TNXB: variants seen among roughly 807,000 people sequenced by gnomAD.
TNXB encodes tenascin XB, also known as tenascin-X.
TNXB carries 183 observed loss-of-function variants against 340.5 expected under a neutral mutation model. That is an observed-to-expected ratio of 0.54 (90% CI 0.48 to 0.61). The LOEUF is 0.61. Among genes scored for constraint, TNXB ranks in the 20% least tolerant of loss-of-function variants. The pLI is 0.00. For missense variants in TNXB, 4,613 were observed against 5,446.4 expected (o/e 0.85, Z 4.82); for synonymous variants, 2,121 against 2,314.5 (o/e 0.92, Z 2.40).
Position 32,090,965 on chromosome 6 carries a change from C to T in TNXB, c.2359-1586G>A, listed in dbSNP as rs909759531. 2.0e-5 allele frequency among the ~76,000 whole-genome samples: 3 copies of T among 152,178 alleles called. 1 individual carries two copies. The East Asian group carries it at 5.8e-4, about 29-fold the overall frequency. Reference sequence around the variant, plus strand: ...TCTTTCAGTGAGGCAAGCCTATCCCCAGAGTTCTCCTTCTCCCTATATATA... The same window carrying T: ...TCTTTCAGTGAGGCAAGCCTATCCCTAGAGTTCTCCTTCTCCCTATATATA... On this transcript the variant is annotated intron_variant, in intron 4 of 43. Transcript: ENST00000644971. The surrounding 1 kb of genome is among the most constrained non-coding windows in gnomAD (Gnocchi z 4.3).
chr6:32,052,926 C>T lies in TNXB; in HGVS notation c.8859G>A (p.Pro2953=), dbSNP rs762756529. 28 of 1,612,578 alleles carry T rather than the reference C, an allele frequency of 1.7e-5. No homozygotes were observed. The highest frequency in any genetic ancestry group is 4.4e-5 in the South Asian group (4 of 91,076). The change falls in exon 26 of 44, where the codon CCG becomes CCA. Residue 2953 remains proline (P), a synonymous_variant. Transcript: ENST00000644971. This position sits in a 1 kb window ranked among gnomAD's most constrained non-coding sequence, Gnocchi z 4.7. ...STEAPEPPEE[P]LLGELTVTGS... The stretch of plus-strand genomic sequence containing the variant: ...CTGTCACTGTCAGCTCCCCCAGGAG[C>T]GGCTCCTCAGGGGGCTCCGGGGCCT...
At position 32,041,441 on chromosome 6, in the gene TNXB, A is replaced by C. The variant is rs1197678718; in HGVS notation, c.12643T>G (p.Trp4215Gly). 1 of 921,800 alleles carries C rather than the reference A, an allele frequency of 1.1e-6. No homozygotes were observed. Among genetic ancestry groups the C allele is most frequent in the South Asian group, 1.4e-5 (1 of 72,228 alleles). The allele number at this position is 921,800 out of a possible 1,614,324, so 57.1% of individuals were successfully genotyped here. The change falls in exon 44 of 44, where the codon TGG becomes GGG. Residue 4215 changes from tryptophan (W) to glycine (G), a missense_variant. This residue lies in a region of TNXB where 18 missense variants were observed against 60.7 expected (regional missense o/e 0.30). Coordinates refer to ENST00000644971, the MANE Select transcript of TNXB (RefSeq NM_001365276.2). ...GSTVDHQGVS[W>G]YHWKGFEFSV... is the part of the protein sequence containing the mutation. ...AACTCGAAGCCCTTCCAGTGGTACC[A>C]GCTCACTCCCTGGGAAAGGGGTTGT...
In TNXB at chr6:32,081,567, C is replaced by A; in HGVS notation, c.3843G>T (p.Trp1281Cys). ...AGTCGAAGGGGCCCTGGGCCACTGT[C>A]CATGAGAGACGCAAGGAGTCTGGGG... The part of the protein sequence containing the change: ...GVTPDSLRLS[W>C]TVAQGPFDSF... Residue 1281 changes from tryptophan (W) to cysteine (C), a missense_variant, in exon 10 of 44, where the codon TGG becomes TGT. Transcript: ENST00000644971. This position sits in a 1 kb window ranked among gnomAD's most constrained non-coding sequence, Gnocchi z 5.1. 1 of 1,603,256 alleles carries A rather than the reference C, an allele frequency of 6.2e-7. No homozygotes were observed. Among genetic ancestry groups the A allele is most frequent in the Non-Finnish European group, 8.5e-7 (1 of 1,175,236 alleles).
At position 32,052,575 on chromosome 6, in the gene TNXB, G is replaced by A. The variant is rs1777345168; in HGVS notation, c.9115+95C>T. Reference sequence around the variant, plus strand: ...CAGGCATTTGGATACACAAAGGAAGGAATACTCTTCAGAGTATGTTTTCAC... The same window carrying A: ...CAGGCATTTGGATACACAAAGGAAGAAATACTCTTCAGAGTATGTTTTCAC... On this transcript the variant is annotated intron_variant, in intron 26 of 43. Coordinates refer to ENST00000644971, the MANE Select transcript of TNXB (RefSeq NM_001365276.2). This position sits in a 1 kb window ranked among gnomAD's most constrained non-coding sequence, Gnocchi z 4.7. The A allele has an allele frequency of 6.8e-7, 1 of 1,480,260 alleles. No individual in the cohort carries two copies. Among genetic ancestry groups the A allele is most frequent in the African/African-American group, 1.4e-5 (1 of 71,848 alleles). 91.7% of individuals were successfully genotyped at this position (1,480,260 alleles called of 1,614,324 possible). A position where few individuals can be genotyped will look rare whatever the true frequency, so the allele number is the denominator to read the frequency against.
rs898073201 is a variant in TNXB at position 32,061,248 on chromosome 6, G to A, written c.7492+149C>T. On this transcript the variant is annotated intron_variant, in intron 21 of 43. Transcript: ENST00000644971. The surrounding 1 kb of genome is among the most constrained non-coding windows in gnomAD (Gnocchi z 4.4). ...CCACGCCAAAGTGAACAAGCAAACC[G>A]CTAGCATAGGCCACAGCCACAGGGC... The A allele has an allele frequency of 6.4e-6, 8 of 1,253,584 alleles. No individual in the cohort carries two copies. Among genetic ancestry groups the A allele is most frequent in the Non-Finnish European group, 8.7e-6 (8 of 918,084 alleles). 77.7% of individuals were successfully genotyped at this position (1,253,584 alleles called of 1,614,324 possible).
At position 32,081,689 on chromosome 6, in the gene TNXB, T is replaced by G; in HGVS notation, c.3737-16A>C. ...CTCTCTGGAGCTGTAAACAAGGAGA[T>G]CCAGCCAGGTGCTGAACTGGCAGCC... On this transcript the variant is annotated splice_polypyrimidine_tract_variant and intron_variant, in intron 9 of 43. Transcript: ENST00000644971. The surrounding 1 kb of genome is among the most constrained non-coding windows in gnomAD (Gnocchi z 5.1). The G allele has an allele frequency of 1.3e-6, 2 of 1,490,754 alleles. No individual in the cohort carries two copies. Among genetic ancestry groups the G allele is most frequent in the Non-Finnish European group, 1.8e-6 (2 of 1,108,208 alleles). The allele number at this position is 1,490,754 out of a possible 1,614,324, so 92.3% of individuals were successfully genotyped here.
chr6:32,095,398 AACTAAAT>A (rs1780273834), intron 3 of TNXB, among the ~76,000 whole-genome samples: 1 of 151,946 alleles, frequency 6.6e-6, no homozygotes, highest in African/African-American at 2.4e-5. Context: ...CCCTAAATGC[AACTAAAT>A]GGGCCCCAAC....
chr6:32,056,108 G>C lies in TNXB; in HGVS notation c.8210C>G (p.Pro2737Arg). 1 of 1,612,656 alleles carries C rather than the reference G, an allele frequency of 6.2e-7. No individual in the cohort carries two copies. The highest frequency in any genetic ancestry group is 8.5e-7 in the Non-Finnish European group (1 of 1,179,816). The change falls in exon 24 of 44, where the codon CCG (proline) becomes CGG (arginine). Residue 2737 changes from proline to arginine, a missense_variant. By Grantham distance (103) the Pro-to-Arg change is moderately radical. Coordinates refer to ENST00000644971, the MANE Select transcript of TNXB (RefSeq NM_001365276.2). ...STEAPEPPEE[P>R]LLGELTVTGS... Reference sequence around the variant, plus strand: ...TGTCACTGTCAGCTCCCCCAGGAGCGGCTCCTCAGGGGGCTCCGGGGCCTC... The same window carrying C: ...TGTCACTGTCAGCTCCCCCAGGAGCCGCTCCTCAGGGGGCTCCGGGGCCTC...
chr6:32,086,073 G>A lies in TNXB; in HGVS notation c.2825C>T (p.Pro942Leu). The change falls in exon 7 of 44, where the codon CCC becomes CTC. Residue 942 changes from proline to leucine, a missense_variant. Physicochemically the swap from Pro to Leu is moderately conservative, Grantham distance 98 (BLOSUM62 -3). Transcript: ENST00000644971. The part of the protein sequence containing the change: ...GLLGTTDEPP[P>L]SGPSTTQGAQ... Reference sequence around the variant, plus strand: ...CCCTTGCGTCGTCGAGGGGCCTGAGGGAGGAGGCTCATCGGTAGTCCCCAA... The same window carrying A: ...CCCTTGCGTCGTCGAGGGGCCTGAGAGAGGAGGCTCATCGGTAGTCCCCAA... 6.3e-7 allele frequency: 1 copy of A among 1,581,310 alleles called. No homozygotes were observed. The highest frequency in any genetic ancestry group is 8.6e-7 in the Non-Finnish European group (1 of 1,164,610).
chr6:32,053,684 T>A lies in TNXB; in HGVS notation c.8495A>T (p.Gln2832Leu), dbSNP rs1442863655. 2 of 1,612,770 alleles carry A rather than the reference T, an allele frequency of 1.2e-6. No homozygotes were observed. The highest frequency in any genetic ancestry group is 2.7e-5 in the African/African-American group (2 of 74,880). ...TAPEDEAETT[Q>L]AVPTTTPEPP... ...CTCAGGGGTTGTGGTGGGCACTGCTTGGGTGGTCTCTGCTTCATCCTCTGG... is the reference window on the plus strand; with the variant it reads ...CTCAGGGGTTGTGGTGGGCACTGCTAGGGTGGTCTCTGCTTCATCCTCTGG... The change falls in exon 25 of 44, where the codon CAA becomes CTA. Residue 2832 changes from glutamine to leucine, a missense_variant. Gln to Leu is a moderately radical substitution (Grantham distance 113). This residue lies in a region of TNXB where 4,327 missense variants were observed against 4,859.4 expected (regional missense o/e 0.89). Transcript: ENST00000644971.
Position 32,058,308 on chromosome 6 carries a change from C to T in TNXB, c.7575G>A (p.Leu2525=), listed in dbSNP as rs748787925. The T allele has an allele frequency of 6.2e-7, 1 of 1,611,918 alleles. No individual in the cohort carries two copies. The part of the protein sequence containing the change: ...EAPGPPEEPL[L]GELTVTGSSP... ...AGGATCCTGTCACTGTCAGCTCCCC[C>T]AGGAGAGGCTCCTCGGGGGGCCCTG... is the stretch of plus-strand genomic sequence containing the variant. The change falls in exon 22 of 44, where the codon CTG becomes CTA. Residue 2525 remains leucine, a synonymous_variant. Transcript: ENST00000644971. The surrounding 1 kb of genome is among the most constrained non-coding windows in gnomAD (Gnocchi z 5.1).
In TNXB at chr6:32,058,482, C is replaced by T; in HGVS notation, c.7493-92G>A. 1.9e-6 allele frequency: 2 copies of T among 1,070,482 alleles called. No homozygotes were observed. The highest frequency in any genetic ancestry group is 1.7e-5 in the South Asian group (1 of 57,882). 66.3% of individuals were successfully genotyped at this position (1,070,482 alleles called of 1,614,324 possible). On this transcript the variant is annotated intron_variant, in intron 21 of 43. Coordinates refer to ENST00000644971, the MANE Select transcript of TNXB (RefSeq NM_001365276.2). The surrounding 1 kb of genome is among the most constrained non-coding windows in gnomAD (Gnocchi z 5.1). ...CAACAGAGGTCATACATCAAATGTG[C>T]CCCTCCAGAGCAGGCTGAGGGCTGG... is the stretch of plus-strand genomic sequence containing the variant.
rs1331828940 is a variant in TNXB, at chr6:32,082,355, A to G, written c.3446-29T>C. On this transcript the variant is annotated intron_variant, in intron 8 of 43. Coordinates refer to ENST00000644971, the MANE Select transcript of TNXB (RefSeq NM_001365276.2). The surrounding 1 kb of genome is among the most constrained non-coding windows in gnomAD (Gnocchi z 5.0). ...GGAAGAGTGGGTAGAGAGAAGGGAG[A>G]GACTTAGGTCCAAGGAGAATGGGGA... 2 of 1,563,606 alleles carry G rather than the reference A, an allele frequency of 1.3e-6. No homozygotes were observed. Among genetic ancestry groups the G allele is most frequent in the Non-Finnish European group, 8.7e-7 (1 of 1,152,424 alleles).
At chr6:32,094,435 C>T (rs1780223476) in intron 4 of TNXB, among the ~76,000 whole-genome samples, 1 of 152,060 alleles carries the variant, frequency 6.6e-6, no homozygotes, top group Non-Finnish European at 1.5e-5. Context: ...CCAAATATGA[C>T]CAAAACAGCT....
chr6:32,065,226 G>T, intron 18 of TNXB, 109 bp from the exon 19 acceptor site: 1 of 1,014,888 alleles, frequency 9.9e-7, no homozygotes, highest in Non-Finnish European at 1.4e-6. Context: ...CCTAACTTAA[G>T]ATCGATTTCT....
At chr6:32,098,424 C>T (rs1471703906) in intron 1 of TNXB, among the ~76,000 whole-genome samples, 1 of 152,008 alleles carries the variant, frequency 6.6e-6, no homozygotes, top group African/African-American at 2.4e-5. Context: ...TGCTCCTCAC[C>T]CCCTTTTCTA....
chr6:32,067,145 AAGAAAG>A lies in TNXB; in HGVS notation c.6544+510_6544+515del, dbSNP rs748814925. On this transcript the variant is annotated intron_variant, in intron 18 of 43. Transcript: ENST00000644971. This position sits in a 1 kb window ranked among gnomAD's most constrained non-coding sequence, Gnocchi z 4.2. ...AAAGAAAGGAAGGAAGAAAGAAAGA[AAGAAAG>A]AAAGAAAGAAAGAAAGAAAGAAAGA... Among the ~76,000 whole-genome samples the A allele has an allele frequency of 2.6e-4, 34 of 131,146 alleles. No homozygotes were observed. Among genetic ancestry groups the A allele is most frequent in the South Asian group, 1.1e-3 (4 of 3,570 alleles). 86.0% of individuals were successfully genotyped at this position (131,146 alleles called of 152,430 possible).
rs776678463 is a variant in TNXB, at chr6:32,069,778, T to A, written c.5362A>T (p.Thr1788Ser). ...CAGGAGAGGCCCACGGAGTTCTGGG[T>A]CACGGTGGTCACCTGCAGCTCCTCC... ...LGEELQVTTV[T>S]QNSVGLSWTV... The change falls in exon 15 of 44, where the codon ACC (threonine) becomes TCC (serine). Residue 1788 changes from threonine to serine, a missense_variant. Physicochemically the swap from Thr to Ser is moderately conservative, Grantham distance 58. This residue lies in a region of TNXB where 4,327 missense variants were observed against 4,859.4 expected (regional missense o/e 0.89). Transcript: ENST00000644971. This position sits in a 1 kb window ranked among gnomAD's most constrained non-coding sequence, Gnocchi z 6.2. The A allele has an allele frequency of 6.2e-7, 1 of 1,610,836 alleles. No homozygotes were observed. The highest frequency in any genetic ancestry group is 8.5e-7 in the Non-Finnish European group (1 of 1,178,642).
At position 32,068,377 on chromosome 6, in the gene TNXB, A is replaced by G. The variant is rs1298175891; in HGVS notation, c.6220+13T>C. 5.0e-6 allele frequency: 8 copies of G among 1,612,158 alleles called. No individual in the cohort carries two copies. On this transcript the variant is annotated intron_variant, in intron 17 of 43. Transcript: ENST00000644971. The surrounding 1 kb of genome is among the most constrained non-coding windows in gnomAD (Gnocchi z 5.3). ...CCATGGCTCCCACCCTGGGGCTCCC[A>G]TCATCCACTCACCTGTCACCCCGAC... is the stretch of plus-strand genomic sequence containing the variant.
Sources: allele counts gnomAD v4.1 joint callset (sites outside exome capture counted in the v4.1 genomes callset), GRCh38; gene constraint gnomAD v4.1.1; regional missense constraint gnomAD v4.1.1; non-coding constraint Gnocchi (gnomAD v3.1); transcripts MANE v1.5; gene names NCBI Gene and HGNC (gene_info 2026-07-23, HGNC 2026-07-21).